The following PPP2R1B variants were observed in gnomAD, a reference collection of about 807,000 sequenced individuals.
PPP2R1B encodes serine/threonine-protein phosphatase 2A 65 kDa regulatory subunit A beta isoform.
A neutral mutation model predicts 72.7 loss-of-function variants in PPP2R1B; 58 were observed. That is an observed-to-expected ratio of 0.80 (90% CI 0.65 to 0.99). PPP2R1B has a LOEUF of 0.99. PPP2R1B is among the 50% of genes least tolerant of loss of function. The pLI is 0.00. For missense variants in PPP2R1B, 695 were observed against 733.6 expected (o/e 0.95, Z 0.61); for synonymous variants, 256 against 264.6 (o/e 0.97, Z 0.32).
intron 15 of PPP2R1B, chr11:111,727,648 A>G (rs1460344439): frequency 6.5e-6 from 1 of 153,862 alleles, no homozygotes; most frequent in Non-Finnish European, 1.4e-5. Context: ...CCACACACCG[A>G]GTGTCATCAG....
chr11:111,751,178 C>T (rs541320434), intron 10 of PPP2R1B, among the ~76,000 whole-genome samples: 205 of 152,130 alleles, frequency 1.3e-3, no homozygotes, highest in African/African-American at 4.5e-3. Flanking sequence ...CCTCAACTCC[C>T]TTTAATCAGA....
the PPP2R1B span, chr11:111,721,889 G>C: frequency 6.2e-7 from 1 of 1,612,662 alleles, no homozygotes; most frequent in Non-Finnish European, 8.5e-7. Context: ...TGCATCCCCA[G>C]CTGTCCCCAC....
the PPP2R1B span, chr11:111,720,868 T>TA: frequency 2.6e-4 from 418 of 1,607,894 alleles, no homozygotes; most frequent in Middle Eastern, 1.7e-3. Context: ...GTATTTTAGT[T>TA]AAACTGTTTG....
intron 5 of PPP2R1B, among the ~76,000 whole-genome samples, chr11:111,756,792 C>T (rs1945136711): frequency 1.3e-5 from 2 of 152,182 alleles, no homozygotes; most frequent in South Asian, 4.1e-4. Context: ...CACCTACGTC[C>T]TTTGAACAAG....
chr11:111,714,112 G>C, the PPP2R1B span, among the ~76,000 whole-genome samples: 2 of 152,224 alleles, frequency 1.3e-5, no homozygotes, highest in Non-Finnish European at 2.9e-5. Flanking sequence ...ACCCAGGACA[G>C]GTGGCTGGAA....
rs908743168 is a variant in PPP2R1B at position 111,738,179 on chromosome 11, A to G, written c.*3417T>C. Reference sequence around the variant, plus strand: ...AGTTACATCACATCAGACTGCAGTCACCTCAGCTGCTAAACCAGGAGAACA... The same window carrying G: ...AGTTACATCACATCAGACTGCAGTCGCCTCAGCTGCTAAACCAGGAGAACA... On this transcript the variant is annotated 3_prime_UTR_variant, in exon 15 of 15. Transcript: ENST00000527614. 1.3e-4 allele frequency: 132 copies of G among 985,812 alleles called. No individual in the cohort carries two copies. The African/African-American group carries it at 2.2e-3, about 17-fold the overall frequency. The allele number at this position is 985,812 out of a possible 1,614,324, so 61.1% of individuals were successfully genotyped here.
Position 111,753,566 on chromosome 11 carries a change from G to C in PPP2R1B, c.1041C>G (p.Ser347=). The change falls in exon 9 of 15, where the codon TCC becomes TCG. Residue 347 remains serine (S), a synonymous_variant. Coordinates refer to ENST00000527614, the MANE Select transcript of PPP2R1B (RefSeq NM_002716.5). The stretch of plus-strand genomic sequence containing the variant: ...CCGATTTGACATGTTGATTGGTATC[G>C]GATACTAATTCCTAAAATAAAATCG... ...QILPYIKELV[S]DTNQHVKSAL... is the part of the protein sequence containing the mutation. 6.2e-7 allele frequency: 1 copy of C among 1,604,848 alleles called. No homozygotes were observed. The highest frequency in any genetic ancestry group is 8.5e-7 in the Non-Finnish European group (1 of 1,176,886).
At chr11:111,719,664 A>T in the PPP2R1B span, 1 of 1,075,866 alleles carries the variant, frequency 9.3e-7, no homozygotes, top group Non-Finnish European at 1.4e-6. Flanking sequence ...GTGCATGTTT[A>T]AATATTTTAC....
At chr11:111,709,417 T>A in the PPP2R1B span, among the ~76,000 whole-genome samples, 1 of 152,248 alleles carries the variant, frequency 6.6e-6, no homozygotes, top group African/African-American at 2.4e-5. Context: ...TAACAAGTAT[T>A]TGCCTATTGG....
chr11:111,738,676 C>A lies in PPP2R1B; in HGVS notation c.*2920G>T. ...AGGGCAGCCCGTTATTTCAACAAGA[C>A]CTCGTTAGAAACCACATATTCACCT... is the stretch of plus-strand genomic sequence containing the variant. On this transcript the variant is annotated 3_prime_UTR_variant, in exon 15 of 15. Coordinates refer to ENST00000527614, the MANE Select transcript of PPP2R1B (RefSeq NM_002716.5). The A allele has an allele frequency of 1.0e-6, 1 of 985,384 alleles. No individual in the cohort carries two copies. The highest frequency in any genetic ancestry group is 1.2e-6 in the Non-Finnish European group (1 of 829,940). 61.0% of individuals were successfully genotyped at this position (985,384 alleles called of 1,614,324 possible).
At chr11:111,697,068 G>T in the PPP2R1B span, among the ~76,000 whole-genome samples, 29 of 152,126 alleles carry the variant, frequency 1.9e-4, no homozygotes, top group African/African-American at 5.8e-4. Flanking sequence ...TTTTTGACAT[G>T]CCAGTGAGAG....
chr11:111,724,333 G>A (rs919112295), downstream of PPP2R1B: 5 of 695,390 alleles, frequency 7.2e-6, no homozygotes, highest in Non-Finnish European at 9.3e-6. Context: ...TCTGTGGCAA[G>A]TGCTGGAACA....
At chr11:111,750,223 G>C (rs782096113) in intron 10 of PPP2R1B, among the ~76,000 whole-genome samples, 41 of 152,150 alleles carry the variant, frequency 2.7e-4, no homozygotes, top group Non-Finnish European at 3.7e-4. Flanking sequence ...CAAATTCAGG[G>C]GTTCAAGACA....
chr11:111,755,480 C>G (rs1555049361), intron 5 of PPP2R1B, 30 bp from the exon 6 acceptor site: 2 of 1,576,498 alleles, frequency 1.3e-6, no homozygotes, highest in South Asian at 2.4e-5. Context: ...GTAATTCAGA[C>G]ATTTACTGAG....
At chr11:111,733,246 G>A (rs542373484), downstream of PPP2R1B, among the ~76,000 whole-genome samples, 5 of 152,284 alleles carry the variant, frequency 3.3e-5, no homozygotes, top group African/African-American at 7.2e-5. Context: ...CTGACTCAGA[G>A]CTGCTCTGAA....
At chr11:111,721,773 C>G in the PPP2R1B span, 1 of 1,389,482 alleles carries the variant, frequency 7.2e-7, no homozygotes, top group Non-Finnish European at 9.9e-7. Flanking sequence ...CAGCTAAGAA[C>G]TGAGACGTTT....
In PPP2R1B at chr11:111,738,401, A is replaced by C; in HGVS notation, c.*3195T>G. On this transcript the variant is annotated 3_prime_UTR_variant, in exon 15 of 15. Coordinates refer to ENST00000527614, the MANE Select transcript of PPP2R1B (RefSeq NM_002716.5). ...AGGGACAGAGCCAATGTGACGTCTA[A>C]GGGCAAGCCCCAGCCTTTCAGTTTA... The C allele has an allele frequency of 1.0e-6, 1 of 985,516 alleles. No individual in the cohort carries two copies. Among genetic ancestry groups the C allele is most frequent in the Non-Finnish European group, 1.2e-6 (1 of 829,958 alleles). 61.0% of individuals were successfully genotyped at this position (985,516 alleles called of 1,614,324 possible). A position where few individuals can be genotyped will look rare whatever the true frequency, so the allele number is the denominator to read the frequency against.
intron 15 of PPP2R1B, chr11:111,729,324 G>A (rs531058285): frequency 6.6e-6 from 1 of 152,382 alleles, no homozygotes. Context: ...AGGGAGAGCT[G>A]TGATGGGTTC....
chr11:111,726,975 C>T lies in PPP2R1B; in HGVS notation c.1994G>A (p.Ser665Asn). Residue 665 changes from serine (S) to asparagine (N), a missense_variant, in exon 16 of 16, where the codon AGC (serine) becomes AAC (asparagine). Ser to Asn is a conservative substitution (Grantham distance 46). Coordinates refer to the PPP2R1B transcript ENST00000311129. ...TTTAAATCTGGGGTATTAGTCTGTG[C>T]TTTGGGAGAAATGCACTAGCTCTGC... 2 of 1,613,808 alleles carry T rather than the reference C, an allele frequency of 1.2e-6. No individual in the cohort carries two copies. Among genetic ancestry groups the T allele is most frequent in the South Asian group, 1.1e-5 (1 of 91,084 alleles).
Sources: gnomAD v4.1 joint callset for allele counts (sites outside exome capture counted in the v4.1 genomes callset) on GRCh38, gnomAD v4.1.1 for gene constraint, MANE v1.5 for transcripts, NCBI Gene and HGNC (gene_info 2026-07-23, HGNC 2026-07-21) for gene names.